The following FHOD3 variants were observed in gnomAD, a reference collection of about 807,000 sequenced individuals.
FHOD3 encodes the protein formin homology 2 domain containing 3.
In FHOD3, 90 loss-of-function variants were observed where a neutral mutation model predicts 173.0. The observed-to-expected ratio is 0.52, with a 90% CI of 0.44 to 0.62. The LOEUF (loss-of-function observed/expected upper bound fraction) is 0.62. Ranked by LOEUF, FHOD3 falls within the 20% of genes least tolerant of loss-of-function variation. FHOD3 has a pLI of 0.00. For missense variants in FHOD3, 1,945 were observed against 2,034.7 expected, an observed-to-expected ratio of 0.96 and a Z score of 0.85; for synonymous variants, 828 against 823.0, an observed-to-expected ratio of 1.01 and a Z score of -0.10.
chr18:36,534,998 T>G lies in FHOD3; in HGVS notation c.511+22455T>G, dbSNP rs571351125. Among the ~76,000 whole-genome samples the G allele has an allele frequency of 1.7e-4, 26 of 152,354 alleles. 1 individual carries two copies. The South Asian group carries it at 5.2e-3, about 30-fold the overall frequency. ...TGATGTCTTTATAATGTTTTTCTTC[T>G]TCTTCTGTTTCTTGTTTTACTAACT... On this transcript the variant is annotated intron_variant, in intron 5 of 28. Transcript: ENST00000590592.
chr18:36,378,950 G>T (rs1467427800), intron 3 of FHOD3, among the ~76,000 whole-genome samples: 3 of 152,168 alleles, frequency 2.0e-5, no homozygotes, highest in Non-Finnish European at 4.4e-5. Context: ...CTCCCAAAGT[G>T]CTGGGATTAC....
intron 5 of FHOD3, among the ~76,000 whole-genome samples, chr18:36,541,885 C>G (rs2057237392): frequency 6.6e-6 from 1 of 152,198 alleles, no homozygotes; most frequent in Non-Finnish European, 1.5e-5. Flanking sequence ...GCCCTTTCTT[C>G]TAAGTACTCA....
At chr18:36,604,180 C>T (rs941376784) in intron 8 of FHOD3, among the ~76,000 whole-genome samples, 4 of 152,076 alleles carry the variant, frequency 2.6e-5, no homozygotes, top group Admixed American at 6.5e-5. Flanking sequence ...ACAGGCACCT[C>T]GCCAGCCACC....
chr18:36,689,739 G>A (rs2038845369), intron 16 of FHOD3, among the ~76,000 whole-genome samples: 1 of 152,104 alleles, frequency 6.6e-6, no homozygotes, highest in South Asian at 2.1e-4. Flanking sequence ...TTAGTCTGAG[G>A]GAGACAGCAG....
chr18:36,654,847 A>G (rs906783061), intron 13 of FHOD3, among the ~76,000 whole-genome samples: 1 of 152,178 alleles, frequency 6.6e-6, no homozygotes, highest in Non-Finnish European at 1.5e-5. Context: ...CACCTGCTCA[A>G]GAGTTTTTTT....
intron 1 of FHOD3, among the ~76,000 whole-genome samples, chr18:36,347,961 T>C (rs2045947492): frequency 6.6e-6 from 1 of 152,252 alleles, no homozygotes; most frequent in Non-Finnish European, 1.5e-5. Context: ...CACTATCACC[T>C]TAGGAAATAG....
intron 1 of FHOD3, among the ~76,000 whole-genome samples, chr18:36,332,581 C>A (rs962777758): frequency 3.9e-5 from 6 of 152,234 alleles, no homozygotes. Flanking sequence ...CTCTTCAACC[C>A]AATGCAGGTG....
chr18:36,404,322 C>T (rs756002851), intron 3 of FHOD3, among the ~76,000 whole-genome samples: 8 of 152,202 alleles, frequency 5.3e-5, no homozygotes, highest in Non-Finnish European at 8.8e-5. Flanking sequence ...TCTTACTGCT[C>T]TGTGACCTCA....
intron 6 of FHOD3, among the ~76,000 whole-genome samples, chr18:36,591,273 G>A (rs1398859626): frequency 1.3e-5 from 2 of 152,200 alleles, no homozygotes; most frequent in Non-Finnish European, 2.9e-5. Flanking sequence ...AGAGTTCCCA[G>A]CACTCTAAAG....
chr18:36,608,320 G>C (rs574564030), intron 8 of FHOD3, among the ~76,000 whole-genome samples: 19 of 152,174 alleles, frequency 1.2e-4, no homozygotes, highest in Non-Finnish European at 2.6e-4. Flanking sequence ...GGATACACAG[G>C]GTGAGGGAGG....
chr18:36,649,211 T>C (rs970934022), intron 10 of FHOD3, 105 bp from the exon 11 acceptor site: 1 of 662,186 alleles, frequency 1.5e-6, no homozygotes, highest in Non-Finnish European at 2.5e-6. Context: ...TATTTCGTTG[T>C]TGTTGTTGTT....
intron 3 of FHOD3, among the ~76,000 whole-genome samples, chr18:36,408,431 T>C (rs1448853726): frequency 6.6e-6 from 1 of 151,518 alleles, no homozygotes; most frequent in Non-Finnish European, 1.5e-5. Context: ...GAGGTGGCAG[T>C]GGTGTGGGCC....
chr18:36,555,494 G>A (rs1003017688), intron 5 of FHOD3, among the ~76,000 whole-genome samples: 1 of 151,980 alleles, frequency 6.6e-6, no homozygotes, highest in South Asian at 2.1e-4. Flanking sequence ...TGAGTAGAAT[G>A]TATATTCTGT....
intron 24 of FHOD3, among the ~76,000 whole-genome samples, chr18:36,753,728 T>C (rs1234091146): frequency 6.6e-6 from 1 of 152,252 alleles, no homozygotes; most frequent in Non-Finnish European, 1.5e-5. Context: ...TGTTCTAGCC[T>C]GTCTCTTTTA....
In FHOD3 at chr18:36,718,617, A is replaced by G; in HGVS notation, c.3319A>G (p.Arg1107Gly). 1 of 1,614,168 alleles carries G rather than the reference A, an allele frequency of 6.2e-7. No individual in the cohort carries two copies. Among genetic ancestry groups the G allele is most frequent in the Non-Finnish European group, 8.5e-7 (1 of 1,180,026 alleles). Reference protein sequence around the residue: ...DWPCKNNRRCREFLWSKLEPI... With the variant: ...DWPCKNNRRCGEFLWSKLEPI... ...GCCATGTAAAAACAACCGACGCTGC[A>G]GAGAATTCCTGTGGTCAAAACTGGA... Residue 1107 changes from arginine to glycine, a missense_variant, in exon 19 of 29, where the codon AGA (arginine) becomes GGA (glycine). This residue lies in a region of FHOD3 where 231 missense variants were observed against 321.9 expected (regional missense o/e 0.72). Transcript: ENST00000590592.
chr18:36,386,015 C>G (rs1438120805), intron 3 of FHOD3, among the ~76,000 whole-genome samples: 1 of 152,188 alleles, frequency 6.6e-6, no homozygotes, highest in Admixed American at 6.5e-5. Context: ...ACGTTATGCT[C>G]TAAGCATTAT....
intron 10 of FHOD3, among the ~76,000 whole-genome samples, chr18:36,641,345 G>A (rs1039294777): frequency 2.6e-5 from 4 of 152,204 alleles, no homozygotes; most frequent in African/African-American, 4.8e-5. Context: ...AGTGGAAGAC[G>A]AAGTTGGAGA....
chr18:36,394,237 A>G (rs1045796827), intron 3 of FHOD3, among the ~76,000 whole-genome samples: 1 of 152,222 alleles, frequency 6.6e-6, no homozygotes, highest in African/African-American at 2.4e-5. Flanking sequence ...AGATAATATC[A>G]ATTTAAATAT....
chr18:36,584,851 AT>A (rs35900193), intron 6 of FHOD3, among the ~76,000 whole-genome samples: 6,575 of 152,228 alleles, frequency 0.043, 360 homozygotes, highest in East Asian at 0.15. Context: ...CATTTACTGA[AT>A]TTTTTTGTGA....
Sources: gnomAD v4.1 joint callset for allele counts (sites outside exome capture counted in the v4.1 genomes callset) on GRCh38, gnomAD v4.1.1 for gene constraint, gnomAD v4.1.1 regional missense constraint, MANE v1.5 for transcripts, NCBI Gene and HGNC (gene_info 2026-07-23, HGNC 2026-07-21) for gene names.